UBA3: variants seen among roughly 807,000 people sequenced by gnomAD.
UBA3 encodes the protein NEDD8-activating enzyme E1 catalytic subunit.
A neutral mutation model predicts 73.5 loss-of-function variants in UBA3; 26 were observed. That is an observed-to-expected ratio of 0.35 (90% CI 0.26 to 0.49). The LOEUF (loss-of-function observed/expected upper bound fraction) is 0.49. Ranked by LOEUF, UBA3 falls within the 20% of genes least tolerant of loss-of-function variation. The pLI is 0.98. For synonymous variants in UBA3, 217 were observed against 191.2 expected (o/e 1.13, Z -1.11); for missense variants, 495 against 555.6 (o/e 0.89, Z 1.10).
chr3:69,058,882 C>T (rs887081961), intron 11 of UBA3, among the ~76,000 whole-genome samples: 1 of 152,146 alleles, frequency 6.6e-6, no homozygotes. Flanking sequence ...TGTTGAGGCC[C>T]TCATTCACCA....
Position 69,055,355 on chromosome 3 carries a change from G to T in UBA3, c.*82C>A. ...AAAGACAAATCGTGGCAACACTATT[G>T]CTAAAAATGACATCGATTCAACTTC... On this transcript the variant is annotated 3_prime_UTR_variant, in exon 18 of 18. Coordinates refer to ENST00000361055, the MANE Select transcript of UBA3 (RefSeq NM_003968.4). The T allele has an allele frequency of 1.1e-6, 1 of 918,380 alleles. No homozygotes were observed. Among genetic ancestry groups the T allele is most frequent in the Non-Finnish European group, 1.6e-6 (1 of 639,222 alleles). The allele number at this position is 918,380 out of a possible 1,614,324, so 56.9% of individuals were successfully genotyped here.
intron 2 of UBA3, among the ~76,000 whole-genome samples, chr3:69,079,503 C>T (rs1192149744): frequency 6.6e-6 from 1 of 152,196 alleles, no homozygotes; most frequent in Non-Finnish European, 1.5e-5. Flanking sequence ...GGTTAGAAAA[C>T]ACTTCGATTA....
Position 69,055,446 on chromosome 3 carries a change from A to G in UBA3, c.1383T>C (p.Phe461=). Residue 461 remains phenylalanine (F), a synonymous_variant, in exon 18 of 18, where the codon TTT becomes TTC. Transcript: ENST00000361055. ...TPQTVLFKLH[F]TS The stretch of plus-strand genomic sequence containing the variant: ...TATGTGGAGATTTTCCTTAAGAAGT[A>G]AAATGAAGTTTGAATAGTACAGTCT... 1 of 1,521,704 alleles carries G rather than the reference A, an allele frequency of 6.6e-7. No homozygotes were observed. The highest frequency in any genetic ancestry group is 1.4e-5 in the South Asian group (1 of 72,954). 94.3% of individuals were successfully genotyped at this position (1,521,704 alleles called of 1,614,324 possible). A position where few individuals can be genotyped will look rare whatever the true frequency, so the allele number is the denominator to read the frequency against.
Position 69,055,120 on chromosome 3 carries a change from A to C in UBA3, c.*317T>G, listed in dbSNP as rs1418640912. On this transcript the variant is annotated 3_prime_UTR_variant, in exon 18 of 18. Coordinates refer to ENST00000361055, the MANE Select transcript of UBA3 (RefSeq NM_003968.4). ...TATTTGGGTACTCAAATGAAAACTTAGGAATGCATTCTTTGACCATAATAA... is the reference window on the plus strand; with the variant it reads ...TATTTGGGTACTCAAATGAAAACTTCGGAATGCATTCTTTGACCATAATAA... 5.4e-6 allele frequency: 1 copy of C among 184,856 alleles called. No homozygotes were observed. Among genetic ancestry groups the C allele is most frequent in the African/African-American group, 2.3e-5 (1 of 42,786 alleles). 11.5% of individuals were successfully genotyped at this position (184,856 alleles called of 1,614,324 possible).
chr3:69,056,833 T>C lies in UBA3; in HGVS notation c.965-18A>G. The stretch of plus-strand genomic sequence containing the variant: ...ACACACAGCTGAAGGGAGGAGAAAA[T>C]ACAGGTGCTTTAACTCAATGGAAAT... On this transcript the variant is annotated intron_variant, in intron 12 of 17. Coordinates refer to ENST00000361055, the MANE Select transcript of UBA3 (RefSeq NM_003968.4). 1.2e-6 allele frequency: 2 copies of C among 1,609,490 alleles called. No individual in the cohort carries two copies. The highest frequency in any genetic ancestry group is 8.5e-7 in the Non-Finnish European group (1 of 1,178,752).
Position 69,062,192 on chromosome 3 carries a change from T to C in UBA3, c.694-13A>G. 2 of 1,549,442 alleles carry C rather than the reference T, an allele frequency of 1.3e-6. No homozygotes were observed. The highest frequency in any genetic ancestry group is 1.8e-6 in the Non-Finnish European group (2 of 1,125,678). ...TGGGAAAATTAACCTAAAACCACAG[T>C]TTGTCCTTTTCAGTGAATTTTAAAC... On this transcript the variant is annotated splice_polypyrimidine_tract_variant and intron_variant, in intron 9 of 17. Coordinates refer to ENST00000361055, the MANE Select transcript of UBA3 (RefSeq NM_003968.4).
At chr3:69,072,848 C>T (rs1045436451) in intron 4 of UBA3, among the ~76,000 whole-genome samples, 1 of 152,160 alleles carries the variant, frequency 6.6e-6, no homozygotes, top group Non-Finnish European at 1.5e-5. Context: ...TTTCCAGGTG[C>T]CCGCCCCTAG....
intron 11 of UBA3, 89 bp downstream of exon 11, chr3:69,061,725 G>A (rs2092022792): frequency 1.2e-6 from 1 of 803,236 alleles, no homozygotes; most frequent in Admixed American, 2.3e-5. Context: ...GGATGGTACT[G>A]TCTAAACTCA....
intron 4 of UBA3, among the ~76,000 whole-genome samples, chr3:69,073,212 T>A (rs955935122): frequency 6.6e-6 from 1 of 152,182 alleles, no homozygotes; most frequent in South Asian, 2.1e-4. Context: ...CTCCAAAGTC[T>A]TTTGTGATAT....
chr3:69,055,436 C>A lies in UBA3; in HGVS notation c.*1G>T. 1 of 1,500,578 alleles carries A rather than the reference C, an allele frequency of 6.7e-7. No individual in the cohort carries two copies. The highest frequency in any genetic ancestry group is 8.8e-7 in the Non-Finnish European group (1 of 1,133,112). 93.0% of individuals were successfully genotyped at this position (1,500,578 alleles called of 1,614,324 possible). On this transcript the variant is annotated 3_prime_UTR_variant, in exon 18 of 18. Coordinates refer to ENST00000361055, the MANE Select transcript of UBA3 (RefSeq NM_003968.4). ...AGTTTTCTATTATGTGGAGATTTTC[C>A]TTAAGAAGTAAAATGAAGTTTGAAT... is the stretch of plus-strand genomic sequence containing the variant.
At chr3:69,068,052 T>C in intron 5 of UBA3, 44 bp from the exon 6 acceptor site, 2 of 1,242,374 alleles carry the variant, frequency 1.6e-6, no homozygotes, top group Non-Finnish European at 2.2e-6. Context: ...TATAAATCTA[T>C]ATGATCTACA....
intron 5 of UBA3, among the ~76,000 whole-genome samples, chr3:69,069,358 C>T (rs903690349): frequency 2.0e-5 from 3 of 152,098 alleles, no homozygotes; most frequent in African/African-American, 7.2e-5. Context: ...GACAGAGTCT[C>T]GCTCTGTCAC....
intron 1 of UBA3, 82 bp from the exon 2 acceptor site, chr3:69,080,235 G>A (rs530035830): frequency 6.8e-5 from 104 of 1,520,196 alleles, no homozygotes; most frequent in Admixed American, 5.4e-4. Flanking sequence ...GGACGGGGCG[G>A]GGGGTGTGGG....
chr3:69,062,878 G>T lies in UBA3; in HGVS notation c.693+104C>A. ...CTTCTTAGTGTAATTTTTAAAATAC[G>T]GCCACTTCTAATTAACAATCCTAAA... is the stretch of plus-strand genomic sequence containing the variant. On this transcript the variant is annotated intron_variant, in intron 9 of 17. Transcript: ENST00000361055. 4 of 1,352,184 alleles carry T rather than the reference G, an allele frequency of 3.0e-6. No individual in the cohort carries two copies. The South Asian group carries it at 4.8e-5, about 16-fold the overall frequency. 83.8% of individuals were successfully genotyped at this position (1,352,184 alleles called of 1,614,324 possible).
chr3:69,063,173 G>A, intron 8 of UBA3, 36 bp from the exon 9 acceptor site: 2 of 1,607,090 alleles, frequency 1.2e-6, no homozygotes, highest in Non-Finnish European at 1.7e-6. Context: ...AAAGGAGAAG[G>A]GGATAAGAAT....
chr3:69,066,137 T>C (rs2092069675), intron 6 of UBA3, among the ~76,000 whole-genome samples: 1 of 152,200 alleles, frequency 6.6e-6, no homozygotes, highest in Non-Finnish European at 1.5e-5. Flanking sequence ...TTTCCTTTTA[T>C]GGCTCATGCT....
chr3:69,066,874 TG>T (rs1297606761), intron 6 of UBA3, among the ~76,000 whole-genome samples: 7 of 152,248 alleles, frequency 4.6e-5, no homozygotes, highest in Non-Finnish European at 1.0e-4. Context: ...GGAACTGTTT[TG>T]CACCTTTATC....
At chr3:69,063,953 TGAGA>T in intron 7 of UBA3, 111 bp downstream of exon 7, 1 of 886,476 alleles carries the variant, frequency 1.1e-6, no homozygotes, top group Non-Finnish European at 1.8e-6. Context: ...AAGCCAACAG[TGAGA>T]GAGGAAAGCA....
chr3:69,078,713 T>C (rs1024546668), intron 2 of UBA3, among the ~76,000 whole-genome samples: 8 of 152,178 alleles, frequency 5.3e-5, no homozygotes, highest in African/African-American at 1.9e-4. Context: ...GCTCAAGTAA[T>C]CCGTCCACCT....
Sources: allele counts gnomAD v4.1 joint callset (sites outside exome capture counted in the v4.1 genomes callset), GRCh38; gene constraint gnomAD v4.1.1; transcripts MANE v1.5; gene names NCBI Gene and HGNC (gene_info 2026-07-23, HGNC 2026-07-21).